SGCD: variants seen among roughly 807,000 people sequenced by gnomAD.
SGCD encodes sarcoglycan delta.
In SGCD, 18 loss-of-function variants were observed where a neutral mutation model predicts 36.6. The ratio of observed to expected loss-of-function variants is 0.49; its 90% CI spans 0.34 to 0.73. The LOEUF is 0.73. Among genes scored for constraint, SGCD ranks in the 30% least tolerant of loss-of-function variants. The pLI, the probability that SGCD is intolerant of heterozygous loss-of-function variation, is 0.01. For missense variants in SGCD, 387 were observed against 346.7 expected, an observed-to-expected ratio of 1.12 and a Z score of -0.92; for synonymous variants, 133 against 130.6, an observed-to-expected ratio of 1.02 and a Z score of -0.12.
chr5:156,513,207 G>C (rs372859525), intron 4 of SGCD, among the ~76,000 whole-genome samples: 13 of 152,202 alleles, frequency 8.5e-5, no homozygotes, highest in African/African-American at 3.1e-4. Flanking sequence ...TTTAAGCACA[G>C]AGGTTATTGC....
intron 4 of SGCD, among the ~76,000 whole-genome samples, chr5:156,511,244 C>T (rs183613682): frequency 1.3e-5 from 2 of 152,044 alleles, no homozygotes; most frequent in Admixed American, 1.3e-4. Context: ...GGAGAAAATA[C>T]ACAGATATGC....
chr5:156,650,295 A>G (rs1387431544), intron 7 of SGCD, among the ~76,000 whole-genome samples: 3 of 152,170 alleles, frequency 2.0e-5, no homozygotes, highest in Admixed American at 6.6e-5. Context: ...TTCAAAAGTT[A>G]TAGGTATGTC....
chr5:156,082,940 T>A (rs928899624), intron 1 of SGCD, among the ~76,000 whole-genome samples: 4 of 152,180 alleles, frequency 2.6e-5, no homozygotes, highest in Non-Finnish European at 5.9e-5. Flanking sequence ...TCGCTAATTT[T>A]TTTTTTAATT....
At chr5:156,509,518 G>A (rs1350155106) in intron 4 of SGCD, among the ~76,000 whole-genome samples, 1 of 152,174 alleles carries the variant, frequency 6.6e-6, no homozygotes, top group Non-Finnish European at 1.5e-5. Flanking sequence ...GCACATTGCT[G>A]TTCTGCATGC....
intron 7 of SGCD, among the ~76,000 whole-genome samples, chr5:156,728,879 A>C (rs1488860670): frequency 2.6e-5 from 4 of 152,114 alleles, no homozygotes; most frequent in African/African-American, 9.7e-5. Context: ...CCAGAGAACT[A>C]TATTGCAATG....
chr5:155,741,611 A>G, the SGCD span, among the ~76,000 whole-genome samples: 7 of 151,840 alleles, frequency 4.6e-5, no homozygotes, highest in Admixed American at 6.6e-5. Context: ...GAAGGTTATC[A>G]TGAAGCATGT....
chr5:156,764,340 T>C lies in SGCD; in HGVS notation c.*4950T>C, dbSNP rs1757549211. The C allele has an allele frequency of 1.3e-5, 2 of 152,780 alleles. No homozygotes were observed. Among genetic ancestry groups the C allele is most frequent in the Admixed American group, 6.5e-5 (1 of 15,312 alleles). The allele number at this position is 152,780 out of a possible 1,614,324, so 9.5% of individuals were successfully genotyped here. On this transcript the variant is annotated 3_prime_UTR_variant, in exon 9 of 9. Coordinates refer to ENST00000337851, the MANE Select transcript of SGCD (RefSeq NM_000337.6). ...TTGTGGTAATCGGAATTTAAAATTA[T>C]ACAGTTGCCTCTGAATTTCTCATGC...
chr5:155,889,530 C>T (rs977172059), intron 1 of SGCD, among the ~76,000 whole-genome samples: 19 of 152,110 alleles, frequency 1.2e-4, no homozygotes, highest in Middle Eastern at 3.4e-3. Flanking sequence ...AATCAGCTTA[C>T]CGATTATTTA....
At chr5:156,623,022 A>G (rs893211939) in intron 6 of SGCD, among the ~76,000 whole-genome samples, 1 of 152,176 alleles carries the variant, frequency 6.6e-6, no homozygotes, top group Non-Finnish European at 1.5e-5. Context: ...ACATAGCCAC[A>G]AATATACATA....
chr5:155,975,014 C>A (rs1408286212), intron 1 of SGCD, among the ~76,000 whole-genome samples: 1 of 152,168 alleles, frequency 6.6e-6, no homozygotes, highest in Non-Finnish European at 1.5e-5. Flanking sequence ...CCCATAGTTT[C>A]TGTTATTTCT....
rs551915022 is a variant in SGCD, at chr5:156,435,036, G to A, written c.193-73565G>A. The stretch of plus-strand genomic sequence containing the variant: ...TTTCTTAAGATCTGATTATTGTAAA[G>A]GAAAGATCATCTGCAGAGCAATGTA... On this transcript the variant is annotated intron_variant, in intron 3 of 8. Transcript: ENST00000337851. 8.5e-5 allele frequency among the ~76,000 whole-genome samples: 13 copies of A among 152,270 alleles called. No individual in the cohort carries two copies. The South Asian group carries it at 2.5e-3, about 29-fold the overall frequency.
chr5:156,682,910 G>A (rs10071427), intron 7 of SGCD, among the ~76,000 whole-genome samples: 3,404 of 152,324 alleles, frequency 0.022, 79 homozygotes, highest in African/African-American at 0.049. Flanking sequence ...GCTGATGCCA[G>A]CATTTCCCAT....
chr5:155,996,921 G>A (rs62380695), intron 1 of SGCD, among the ~76,000 whole-genome samples: 10,836 of 129,792 alleles, frequency 0.083, 674 homozygotes, highest in African/African-American at 0.18. Flanking sequence ...AGACAGACAG[G>A]CAGGCAGACA....
At chr5:156,446,706 A>G (rs1332429655) in intron 3 of SGCD, among the ~76,000 whole-genome samples, 3 of 152,150 alleles carry the variant, frequency 2.0e-5, no homozygotes, top group Admixed American at 1.3e-4. Flanking sequence ...TGGGCTGGGT[A>G]GGAATAATTG....
In SGCD at chr5:155,883,372, C is replaced by T. The variant is rs187792956; in HGVS notation, c.-282+12948C>T. Among the ~76,000 whole-genome samples the T allele has an allele frequency of 8.5e-5, 13 of 152,274 alleles. No homozygotes were observed. In the East Asian group the frequency reaches 2.5e-3, roughly 29 times the overall value. ...CCCATTTTGGCTTTCTACATGCCTTCCTCACTAGGCTTAATCATTTCTGGC... is the reference window on the plus strand; with the variant it reads ...CCCATTTTGGCTTTCTACATGCCTTTCTCACTAGGCTTAATCATTTCTGGC... On this transcript the variant is annotated intron_variant, in intron 1 of 9. Coordinates refer to the SGCD transcript ENST00000517913.
At chr5:156,539,986 AC>A (rs1758288121) in intron 4 of SGCD, among the ~76,000 whole-genome samples, 1 of 152,168 alleles carries the variant, frequency 6.6e-6, no homozygotes, top group Non-Finnish European at 1.5e-5. Flanking sequence ...TGAGCACCAT[AC>A]AGAACACTAA....
intron 3 of SGCD, among the ~76,000 whole-genome samples, chr5:156,268,880 C>T (rs1473827982): frequency 6.6e-6 from 1 of 152,170 alleles, no homozygotes; most frequent in African/African-American, 2.4e-5. Context: ...AGGCATGAGC[C>T]ACTGTGCCCA....
intron 7 of SGCD, among the ~76,000 whole-genome samples, chr5:156,740,052 T>G (rs284441): frequency 7.2e-5 from 11 of 152,036 alleles, no homozygotes; most frequent in African/African-American, 2.7e-4. Context: ...AACTCAAAAA[T>G]AGAAGATGAG....
At chr5:155,974,943 C>A (rs1183313551) in intron 1 of SGCD, among the ~76,000 whole-genome samples, 1 of 152,062 alleles carries the variant, frequency 6.6e-6, no homozygotes, top group Non-Finnish European at 1.5e-5. Context: ...TACCCTCTCC[C>A]AAGTCTATTT....
Sources: allele counts gnomAD v4.1 joint callset (sites outside exome capture counted in the v4.1 genomes callset), GRCh38; gene constraint gnomAD v4.1.1; transcripts MANE v1.5; gene names NCBI Gene and HGNC (gene_info 2026-07-23, HGNC 2026-07-21).